The following SOX5 variants were observed in gnomAD, a reference collection of about 807,000 sequenced individuals.
SOX5 encodes the protein SRY-box transcription factor 5.
In SOX5, 9 loss-of-function variants were observed where a neutral mutation model predicts 92.0. The ratio of observed to expected loss-of-function variants is 0.10; its 90% CI spans 0.06 to 0.17. The LOEUF (loss-of-function observed/expected upper bound fraction) is 0.17, where lower values mean the gene tolerates loss of function less well. Among genes scored for constraint, SOX5 ranks in the 10% least tolerant of loss-of-function variants. SOX5 has a pLI of 1.00. For synonymous variants in SOX5, 344 were observed against 336.3 expected (o/e 1.02, Z -0.25); for missense variants, 642 against 944.5 (o/e 0.68, Z 4.20).
At chr12:23,818,258 C>T (rs2096036756) in intron 3 of SOX5, among the ~76,000 whole-genome samples, 2 of 152,182 alleles carry the variant, frequency 1.3e-5, no homozygotes, top group South Asian at 2.1e-4. Context: ...CTACTACACA[C>T]ATAGGCTATA....
At chr12:24,096,779 AGTGT>A (rs961075921) in intron 4 of SOX5, among the ~76,000 whole-genome samples, 4 of 151,866 alleles carry the variant, frequency 2.6e-5, no homozygotes, top group Non-Finnish European at 4.4e-5. Context: ...CTTGTGCAAA[AGTGT>A]GTGTGTGTGT....
At chr12:24,228,097 G>A (rs1041127568) in intron 3 of SOX5, among the ~76,000 whole-genome samples, 6 of 152,176 alleles carry the variant, frequency 3.9e-5, no homozygotes, top group African/African-American at 1.4e-4. Flanking sequence ...CCTCCCTGGT[G>A]TGCCCGGGTC....
intron 2 of SOX5, among the ~76,000 whole-genome samples, chr12:23,859,019 T>G (rs2096724690): frequency 6.6e-6 from 1 of 152,176 alleles, no homozygotes; most frequent in Non-Finnish European, 1.5e-5. Context: ...CTTCATTAGC[T>G]GAGGATGTAT....
intron 4 of SOX5, among the ~76,000 whole-genome samples, chr12:23,983,306 C>T (rs889920836): frequency 1.3e-5 from 2 of 152,072 alleles, no homozygotes; most frequent in African/African-American, 4.8e-5. Flanking sequence ...GAGTGATTCT[C>T]CAACTTTTGT....
intron 2 of SOX5, among the ~76,000 whole-genome samples, chr12:24,333,933 T>TTC (rs1192417179): frequency 5.0e-4 from 76 of 150,760 alleles, no homozygotes; most frequent in Middle Eastern, 3.6e-3. Context: ...TTAATGATGG[T>TTC]ACTGGTGCAA....
At chr12:24,525,990 C>T (rs1950674034) in intron 1 of SOX5, among the ~76,000 whole-genome samples, 1 of 152,110 alleles carries the variant, frequency 6.6e-6, no homozygotes, top group African/African-American at 2.4e-5. Context: ...CCCACCTCAG[C>T]CTCCAAAGTA....
At chr12:24,226,416 T>A (rs1331680797) in intron 3 of SOX5, among the ~76,000 whole-genome samples, 3 of 152,180 alleles carry the variant, frequency 2.0e-5, no homozygotes, top group African/African-American at 7.2e-5. Context: ...CCTAAGAATC[T>A]TTCTTGGAAA....
At chr12:23,671,059 G>T (rs940569773) in intron 6 of SOX5, among the ~76,000 whole-genome samples, 1 of 152,078 alleles carries the variant, frequency 6.6e-6, no homozygotes, top group Non-Finnish European at 1.5e-5. Context: ...TTAAAAACAG[G>T]GTGAGAGGCC....
At chr12:23,688,001 C>T (rs1377456264) in intron 6 of SOX5, among the ~76,000 whole-genome samples, 2 of 151,982 alleles carry the variant, frequency 1.3e-5, no homozygotes, top group African/African-American at 4.8e-5. Flanking sequence ...TCCATCTGTG[C>T]TTCCCATTAA....
intron 1 of SOX5, among the ~76,000 whole-genome samples, chr12:24,488,452 G>A (rs1946736958): frequency 6.6e-6 from 1 of 152,110 alleles, no homozygotes; most frequent in African/African-American, 2.4e-5. Context: ...GGGTGTGGTG[G>A]TGTGTGCCTG....
chr12:24,191,541 T>C (rs978274156), intron 4 of SOX5, among the ~76,000 whole-genome samples: 1 of 152,184 alleles, frequency 6.6e-6, no homozygotes, highest in Non-Finnish European at 1.5e-5. Context: ...CAGCTAGATA[T>C]TCAGCACCTG....
intron 4 of SOX5, among the ~76,000 whole-genome samples, chr12:24,159,209 T>G: frequency 6.6e-6 from 1 of 151,706 alleles, no homozygotes; most frequent in East Asian, 1.9e-4. Flanking sequence ...TCCATCCACT[T>G]AACCATTCAT....
chr12:24,556,341 TAAC>T (rs1953779177), intron 1 of SOX5, among the ~76,000 whole-genome samples: 1 of 152,228 alleles, frequency 6.6e-6, no homozygotes, highest in Admixed American at 6.5e-5. Flanking sequence ...GAAGAGAAAA[TAAC>T]AACTAATTTC....
intron 4 of SOX5, among the ~76,000 whole-genome samples, chr12:24,186,283 A>C (rs899030007): frequency 3.3e-5 from 5 of 152,132 alleles, no homozygotes; most frequent in African/African-American, 1.2e-4. Context: ...TAAGTCATAA[A>C]GGTAGAACAT....
intron 2 of SOX5, among the ~76,000 whole-genome samples, chr12:24,284,526 A>G (rs1191861134): frequency 6.6e-6 from 1 of 152,118 alleles, no homozygotes; most frequent in East Asian, 1.9e-4. Flanking sequence ...TAGAGATACT[A>G]GTAAAACAAA....
intron 3 of SOX5, among the ~76,000 whole-genome samples, chr12:23,797,432 C>G (rs1050049704): frequency 6.6e-6 from 1 of 151,938 alleles, no homozygotes; most frequent in Admixed American, 6.6e-5. Flanking sequence ...CTGAGTCACC[C>G]TCTACTTGAG....
chr12:24,056,736 G>A (rs949563948), intron 4 of SOX5, among the ~76,000 whole-genome samples: 6 of 151,744 alleles, frequency 4.0e-5, no homozygotes, highest in Non-Finnish European at 7.4e-5. Flanking sequence ...AGCACTTTGG[G>A]AGGCCGAGGC....
intron 4 of SOX5, among the ~76,000 whole-genome samples, chr12:24,117,769 A>G (rs960511514): frequency 1.3e-5 from 2 of 152,012 alleles, no homozygotes; most frequent in Non-Finnish European, 2.9e-5. Context: ...AAAAAAGTCA[A>G]TCTCCTTTGG....
intron 4 of SOX5, among the ~76,000 whole-genome samples, chr12:23,747,652 C>G (rs1373247847): frequency 1.3e-5 from 2 of 152,062 alleles, no homozygotes; most frequent in Non-Finnish European, 2.9e-5. Context: ...GTTTCTCAAC[C>G]TCAGCGCAGT....
Sources: allele counts gnomAD v4.1 joint callset (sites outside exome capture counted in the v4.1 genomes callset), GRCh38; gene constraint gnomAD v4.1.1; transcripts MANE v1.5; gene names NCBI Gene and HGNC (gene_info 2026-07-23, HGNC 2026-07-21).